The following TCERG1 variants were observed in gnomAD, a reference collection of about 807,000 sequenced individuals.
TCERG1 encodes the protein transcription elongation regulator 1.
In TCERG1, 37 loss-of-function variants were observed where a neutral mutation model predicts 144.7. The observed-to-expected ratio is 0.26, with a 90% CI of 0.20 to 0.34. The LOEUF is 0.34. Among genes scored for constraint, TCERG1 ranks in the 10% least tolerant of loss-of-function variants. The probability of loss-of-function intolerance (pLI) is 1.00; values close to 1 mark genes in which losing one functional copy is unlikely to be tolerated. For missense variants in TCERG1, 1,027 were observed against 1,380.7 expected, an observed-to-expected ratio of 0.74 and a Z score of 4.06; for synonymous variants, 492 against 458.2, an observed-to-expected ratio of 1.07 and a Z score of -0.94.
intron 3 of TCERG1, among the ~76,000 whole-genome samples, chr5:146,458,623 C>T (rs1763040161): frequency 6.6e-6 from 1 of 152,038 alleles, no homozygotes; most frequent in African/African-American, 2.4e-5. Flanking sequence ...CAGATGCCGG[C>T]CACCACACCT....
intron 3 of TCERG1, 23 bp from the exon 4 acceptor site, chr5:146,458,861 A>G (rs1192168670): frequency 6.3e-7 from 1 of 1,579,592 alleles, no homozygotes; most frequent in Non-Finnish European, 8.6e-7. Flanking sequence ...TTATGATACC[A>G]TTGATTTTTG....
At position 146,478,395 on chromosome 5, in the gene TCERG1, A is replaced by C. The variant is rs936494495; in HGVS notation, c.1602-98A>C. 1.6e-5 allele frequency: 20 copies of C among 1,260,936 alleles called. No homozygotes were observed. In the Middle Eastern group the frequency reaches 1.0e-3, roughly 64 times the overall value. 78.1% of individuals were successfully genotyped at this position (1,260,936 alleles called of 1,614,324 possible). On this transcript the variant is annotated intron_variant, in intron 9 of 22. Transcript: ENST00000679501. ...TGGTAATAAGAACATGTCGTTCTTCAGTACCCTCATCTCCCTACTTGTAAC... is the reference window on the plus strand; with the variant it reads ...TGGTAATAAGAACATGTCGTTCTTCCGTACCCTCATCTCCCTACTTGTAAC...
At chr5:146,453,969 G>A (rs1433220060) in intron 1 of TCERG1, among the ~76,000 whole-genome samples, 1 of 151,194 alleles carries the variant, frequency 6.6e-6, no homozygotes, top group Admixed American at 6.6e-5. Context: ...AGGCCGAGGA[G>A]GGCAGATCAT....
intron 17 of TCERG1, among the ~76,000 whole-genome samples, chr5:146,501,924 TTTGC>T (rs376557304): frequency 0.048 from 6,873 of 142,970 alleles, 250 homozygotes; most frequent in Middle Eastern, 0.1. Flanking sequence ...GAGATGGAGT[TTTGC>T]TTGTTGCCCA....
At chr5:146,509,277 T>C (rs1484450322) in intron 22 of TCERG1, 32 bp downstream of exon 22, 4 of 1,404,660 alleles carry the variant, frequency 2.8e-6, no homozygotes, top group Non-Finnish European at 4.0e-6. Context: ...ATATTGGCAG[T>C]CATTCTCTTT....
chr5:146,461,048 G>C (rs1763286200), intron 4 of TCERG1, among the ~76,000 whole-genome samples: 1 of 152,132 alleles, frequency 6.6e-6, no homozygotes, highest in Non-Finnish European at 1.5e-5. Flanking sequence ...AGAAATAGTA[G>C]TGCTTCGTTT....
At chr5:146,497,382 A>G (rs1453879490) in intron 16 of TCERG1, among the ~76,000 whole-genome samples, 1 of 152,064 alleles carries the variant, frequency 6.6e-6, no homozygotes, top group Non-Finnish European at 1.5e-5. Flanking sequence ...CCTGGCCTCA[A>G]ATGATCCTCC....
At chr5:146,447,669 G>A (rs1299651419) in intron 1 of TCERG1, among the ~76,000 whole-genome samples, 1 of 152,254 alleles carries the variant, frequency 6.6e-6, no homozygotes, top group Non-Finnish European at 1.5e-5. Flanking sequence ...GCGGCCTGCA[G>A]CCCTCTGGCC....
Position 146,481,193 on chromosome 5 carries a change from C to T in TCERG1, c.1930C>T (p.Leu644=), listed in dbSNP as rs1561673483. The part of the protein sequence containing the change: ...KSFMWIARAS[L]FRRDDNKDID... ...CTTTATGTGGATTGCCCGAGCTTCT[C>T]TATTTAGGTACAAAGCTAAAAGCCT... The change falls in exon 13 of 23, where the codon CTA becomes TTA. Residue 644 remains leucine (L), a synonymous_variant. Coordinates refer to ENST00000679501, the MANE Select transcript of TCERG1 (RefSeq NM_001382548.1). The T allele has an allele frequency of 1.0e-6, 1 of 985,114 alleles. No homozygotes were observed. Among genetic ancestry groups the T allele is most frequent in the Non-Finnish European group, 1.2e-6 (1 of 829,852 alleles). 61.0% of individuals were successfully genotyped at this position (985,114 alleles called of 1,614,324 possible). A position where few individuals can be genotyped will look rare whatever the true frequency, so the allele number is the denominator to read the frequency against.
intron 18 of TCERG1, 21 bp downstream of exon 18, chr5:146,503,560 T>C (rs761537235): frequency 2.5e-6 from 4 of 1,610,696 alleles, no homozygotes; most frequent in Non-Finnish European, 2.5e-6. Flanking sequence ...TGTTTACTTG[T>C]ATTGCTTTCA....
At chr5:146,452,255 T>C (rs1251440704) in intron 1 of TCERG1, among the ~76,000 whole-genome samples, 1 of 152,078 alleles carries the variant, frequency 6.6e-6, no homozygotes, top group African/African-American at 2.4e-5. Flanking sequence ...TTTTCAAATA[T>C]ATAAAGAATA....
intron 1 of TCERG1, among the ~76,000 whole-genome samples, chr5:146,451,478 A>G (rs1177390438): frequency 6.6e-6 from 1 of 151,624 alleles, no homozygotes; most frequent in Non-Finnish European, 1.5e-5. Flanking sequence ...AAGCACCACC[A>G]CACCCGGCTA....
chr5:146,508,697 G>GTA (rs1481708495), intron 21 of TCERG1, among the ~76,000 whole-genome samples: 1 of 152,156 alleles, frequency 6.6e-6, no homozygotes, highest in Non-Finnish European at 1.5e-5. Context: ...TCATTACTGT[G>GTA]TAAGTTAAGT....
At chr5:146,492,138 A>G (rs903452846) in intron 15 of TCERG1, among the ~76,000 whole-genome samples, 1 of 152,168 alleles carries the variant, frequency 6.6e-6, no homozygotes, top group African/African-American at 2.4e-5. Flanking sequence ...ATAGCTTTTC[A>G]TCCTTAAAAT....
rs1173267329 is a variant in TCERG1 at position 146,507,750 on chromosome 5, T to A, written c.2962-123T>A. On this transcript the variant is annotated intron_variant, in intron 20 of 22. Transcript: ENST00000679501. This position sits in a 1 kb window ranked among gnomAD's most constrained non-coding sequence, Gnocchi z 4.6. ...GCTTCCCTGTCCCTAACTAGTCCAGTTACGCTTGGGCATTACAAGAGATCG... is the reference window on the plus strand; with the variant it reads ...GCTTCCCTGTCCCTAACTAGTCCAGATACGCTTGGGCATTACAAGAGATCG... The A allele has an allele frequency of 1.7e-6, 1 of 590,186 alleles. No homozygotes were observed. 36.6% of individuals were successfully genotyped at this position (590,186 alleles called of 1,614,324 possible). A position where few individuals can be genotyped will look rare whatever the true frequency, so the allele number is the denominator to read the frequency against.
At chr5:146,469,503 G>T in intron 6 of TCERG1, 41 bp from the exon 7 acceptor site, 2 of 1,502,406 alleles carry the variant, frequency 1.3e-6, no homozygotes, top group South Asian at 1.3e-5. Flanking sequence ...TTGTATTGCG[G>T]TTTGATACTT....
At chr5:146,455,723 A>G (rs1024366697) in intron 2 of TCERG1, among the ~76,000 whole-genome samples, 2 of 152,252 alleles carry the variant, frequency 1.3e-5, no homozygotes, top group Non-Finnish European at 2.9e-5. Context: ...TAGAATCTGG[A>G]AAGTGACAGC....
intron 9 of TCERG1, among the ~76,000 whole-genome samples, chr5:146,474,620 A>T (rs1764660217): frequency 6.6e-6 from 1 of 152,138 alleles, no homozygotes; most frequent in Non-Finnish European, 1.5e-5. Flanking sequence ...TTGATATAGA[A>T]AACTTCATAT....
intron 16 of TCERG1, among the ~76,000 whole-genome samples, chr5:146,493,942 A>C (rs1231306618): frequency 2.0e-5 from 3 of 152,116 alleles, no homozygotes; most frequent in African/African-American, 7.2e-5. Flanking sequence ...ATAAATAGTT[A>C]ATTTTGTCTG....
Sources: allele counts gnomAD v4.1 joint callset (sites outside exome capture counted in the v4.1 genomes callset), GRCh38; gene constraint gnomAD v4.1.1; non-coding constraint Gnocchi (gnomAD v3.1); transcripts MANE v1.5; gene names NCBI Gene and HGNC (gene_info 2026-07-23, HGNC 2026-07-21).